Variants in RBM44 observed in about 807,000 individuals in gnomAD.
RBM44 encodes the protein RNA binding motif protein 44.
A neutral mutation model predicts 105.1 loss-of-function variants in RBM44; 66 were observed. The ratio of observed to expected loss-of-function variants is 0.63; its 90% CI spans 0.52 to 0.77. The LOEUF is 0.77. Ranked by LOEUF, RBM44 falls within the 30% of genes least tolerant of loss-of-function variation. The pLI is 0.00. For synonymous variants in RBM44, 365 were observed against 417.6 expected, an observed-to-expected ratio of 0.87 and a Z score of 1.54; for missense variants, 1,122 against 1,207.8, an observed-to-expected ratio of 0.93 and a Z score of 1.05.
intron 13 of RBM44, 136 bp from the exon 14 acceptor site, chr2:237,833,861 C>A: frequency 6.6e-6 from 3 of 455,462 alleles, no homozygotes; most frequent in Non-Finnish European, 7.2e-6. Flanking sequence ...ATAAACAATC[C>A]CAAGTTAAAG....
At chr2:237,805,509 G>C (rs181051804) in intron 1 of RBM44, among the ~76,000 whole-genome samples, 58 of 152,234 alleles carry the variant, frequency 3.8e-4, no homozygotes, top group African/African-American at 1.4e-3. Flanking sequence ...ATGGAACCAA[G>C]AAAGAGCCTG....
chr2:237,814,906 AC>A (rs2061699433), intron 2 of RBM44, among the ~76,000 whole-genome samples: 2 of 145,966 alleles, frequency 1.4e-5, no homozygotes, highest in African/African-American at 5.0e-5. Flanking sequence ...ACCCCCCCCT[AC>A]ACACACAATT....
intron 7 of RBM44, 92 bp downstream of exon 7, chr2:237,821,460 G>A: frequency 2.1e-6 from 2 of 940,552 alleles, no homozygotes; most frequent in South Asian, 1.6e-5. Context: ...TCCCTATTTA[G>A]AACATTGATA....
At position 237,818,307 on chromosome 2, in the gene RBM44, CAATT is replaced by C. The variant is rs764824347; in HGVS notation, c.1392_1395del (p.Asn465ArgfsTer25). On this transcript the variant is annotated frameshift_variant, in exon 3 of 16. Transcript: ENST00000316997. LOFTEE classifies it high-confidence loss of function. This position sits in a 1 kb window ranked among gnomAD's most constrained non-coding sequence, Gnocchi z 4.6. Reference sequence around the variant, plus strand: ...ACAGATGCAGCAAGTTGTACAGTCACAATTAATCAGACAGTGGACGTTAGCACTG... The same window carrying C: ...ACAGATGCAGCAAGTTGTACAGTCACAATCAGACAGTGGACGTTAGCACTG... 9.9e-6 allele frequency: 16 copies of C among 1,613,032 alleles called. No individual in the cohort carries two copies. The highest frequency in any genetic ancestry group is 5.0e-5 in the Admixed American group (3 of 59,872).
Position 237,820,264 on chromosome 2 carries a change from AC to A in RBM44, c.1828del (p.Leu610PhefsTer2), listed in dbSNP as rs772288016. On this transcript the variant is annotated frameshift_variant, in exon 5 of 16. Transcript: ENST00000316997. LOFTEE classifies it high-confidence loss of function. ...IMQRAIKAELHLLNVHYQMCR... is the reference protein window; with the variant it reads ...IMQRAIKAELXLLNVHYQMCR... ...CAGAGAGCCATAAAAGCAGAGCTGC[AC>A]CTTTTAAATGTTCACTATCAGATGT... 6.2e-7 allele frequency: 1 copy of A among 1,600,656 alleles called. No individual in the cohort carries two copies. Among genetic ancestry groups the A allele is most frequent in the East Asian group, 2.2e-5 (1 of 44,522 alleles).
intron 1 of RBM44, among the ~76,000 whole-genome samples, chr2:237,812,244 T>C (rs2061667457): frequency 6.6e-6 from 1 of 152,232 alleles, no homozygotes; most frequent in African/African-American, 2.4e-5. Context: ...ATCACTTCTG[T>C]TTTTGTCTTA....
At chr2:237,800,073 G>A (rs1259717479) in intron 1 of RBM44, among the ~76,000 whole-genome samples, 1 of 152,164 alleles carries the variant, frequency 6.6e-6, no homozygotes, top group Non-Finnish European at 1.5e-5. Flanking sequence ...TCTCCAGAGT[G>A]GCTGCACCAT....
rs2061571631 is a variant in RBM44 at position 237,803,847 on chromosome 2, A to G, written c.-19+4986A>G. Among the ~76,000 whole-genome samples the G allele has an allele frequency of 6.6e-5, 10 of 151,348 alleles. No individual in the cohort carries two copies. The South Asian group carries it at 2.1e-3, about 32-fold the overall frequency. On this transcript the variant is annotated intron_variant, in intron 1 of 15. Coordinates refer to ENST00000316997, the MANE Select transcript of RBM44 (RefSeq NM_001080504.3). The surrounding 1 kb of genome is among the most constrained non-coding windows in gnomAD (Gnocchi z 4.2). ...GTAAAAATCTAGATAGTAGAAATAT[A>G]CTTGTGCCAGTACCATTTATTGAAT...
Position 237,827,428 on chromosome 2 carries a change from T to C in RBM44, c.2530-5T>C. ...TTTCACAAACTTTTATTTCTCTTCT[T>C]TTAGGCCGATTTAAGGTCTCATTTC... On this transcript the variant is annotated splice_region_variant and splice_polypyrimidine_tract_variant and intron_variant, in intron 11 of 15. Transcript: ENST00000316997. 6.6e-7 allele frequency: 1 copy of C among 1,516,994 alleles called. No individual in the cohort carries two copies. Among genetic ancestry groups the C allele is most frequent in the East Asian group, 2.4e-5 (1 of 40,872 alleles). The allele number at this position is 1,516,994 out of a possible 1,614,324, so 94.0% of individuals were successfully genotyped here. A position where few individuals can be genotyped will look rare whatever the true frequency, so the allele number is the denominator to read the frequency against.
rs565460753 is a variant in RBM44, at chr2:237,801,766, G to T, written c.-19+2905G>T. Among the ~76,000 whole-genome samples the T allele has an allele frequency of 3.9e-5, 6 of 152,204 alleles. No individual in the cohort carries two copies. The East Asian group carries it at 1.2e-3, about 29-fold the overall frequency. On this transcript the variant is annotated intron_variant, in intron 1 of 15. Coordinates refer to ENST00000316997, the MANE Select transcript of RBM44 (RefSeq NM_001080504.3). Reference sequence around the variant, plus strand: ...GCCCTTCTCTGCTTCTTCTTAGCCTGGCTAGCCCCTACTTGACCATCATTT... The same window carrying T: ...GCCCTTCTCTGCTTCTTCTTAGCCTTGCTAGCCCCTACTTGACCATCATTT...
At chr2:237,801,059 G>A (rs1298275554) in intron 1 of RBM44, among the ~76,000 whole-genome samples, 1 of 152,102 alleles carries the variant, frequency 6.6e-6, no homozygotes, top group African/African-American at 2.4e-5. Context: ...GAGCGGGCTG[G>A]GTGCAGTGGT....
At chr2:237,837,721 G>A (rs1376230521) in intron 15 of RBM44, among the ~76,000 whole-genome samples, 2 of 143,774 alleles carry the variant, frequency 1.4e-5, no homozygotes, top group Non-Finnish European at 3.2e-5. Context: ...TTTTTCCCAG[G>A]CTGGTCTCAA....
At position 237,841,664 on chromosome 2, in the gene RBM44, A is replaced by G. The variant is rs147526798; in HGVS notation, c.*23-175A>G. Among the ~76,000 whole-genome samples the G allele has an allele frequency of 8.7e-4, 133 of 152,366 alleles. No individual in the cohort carries two copies. The highest frequency in any genetic ancestry group is 2.6e-3 in the African/African-American group (108 of 41,596). On this transcript the variant is annotated intron_variant, in intron 15 of 15. Transcript: ENST00000316997. The surrounding 1 kb of genome is among the most constrained non-coding windows in gnomAD (Gnocchi z 4.5). Reference sequence around the variant, plus strand: ...AGAAATATGAGTTAAAATGATTGCTAGATACAAAGACAAGACACAAAAATT... The same window carrying G: ...AGAAATATGAGTTAAAATGATTGCTGGATACAAAGACAAGACACAAAAATT...
intron 8 of RBM44, among the ~76,000 whole-genome samples, chr2:237,822,523 T>C (rs1016117989): frequency 6.6e-6 from 1 of 152,090 alleles, no homozygotes; most frequent in African/African-American, 2.4e-5. Flanking sequence ...TGAGTAATAT[T>C]AATCCCCCAA....
At position 237,829,295 on chromosome 2, in the gene RBM44, A is replaced by G. The variant is rs775616365; in HGVS notation, c.2679A>G (p.Gly893=). 3 of 1,613,172 alleles carry G rather than the reference A, an allele frequency of 1.9e-6. No homozygotes were observed. The highest frequency in any genetic ancestry group is 2.7e-5 in the African/African-American group (2 of 74,904). ...VKEMNGIEIN[G]KSVNVWPVKI... is the part of the protein sequence containing the mutation. Reference sequence around the variant, plus strand: ...AAATGAATGGGATAGAAATAAATGGAAAGTCAGTAAATGTGTGGCCTGTTA... The same window carrying G: ...AAATGAATGGGATAGAAATAAATGGGAAGTCAGTAAATGTGTGGCCTGTTA... Residue 893 remains glycine (G), a synonymous_variant, in exon 13 of 16, where the codon GGA becomes GGG. Transcript: ENST00000316997.
chr2:237,817,392 A>G lies in RBM44; in HGVS notation c.473A>G (p.Glu158Gly), dbSNP rs563715156. The change falls in exon 3 of 16, where the codon GAA (glutamate) becomes GGA (glycine). Residue 158 changes from glutamate (E) to glycine (G), a missense_variant. Physicochemically the swap from Glu to Gly is moderately conservative, Grantham distance 98. This residue lies in a region of RBM44 where 918 missense variants were observed against 955.3 expected (regional missense o/e 0.96). Coordinates refer to ENST00000316997, the MANE Select transcript of RBM44 (RefSeq NM_001080504.3). ...CATCAAGATAAGACTGTTGGCTTGG[A>G]AAGAATCTACAATATTTCAGATGCT... ...LEHQDKTVGL[E>G]RIYNISDANY... The G allele has an allele frequency of 9.0e-5, 144 of 1,603,030 alleles. 2 individuals carry two copies. The South Asian group carries it at 1.5e-3, about 16-fold the overall frequency.
rs186867567 is a variant in RBM44, at chr2:237,822,325, G to A, written c.2205+498G>A. On this transcript the variant is annotated intron_variant, in intron 8 of 15. Transcript: ENST00000316997. ...GGTTTTCTTACTCTTTCTTGTTCCCGCAAGAAAGTGTTTGTCAGATGACAA... is the reference window on the plus strand; with the variant it reads ...GGTTTTCTTACTCTTTCTTGTTCCCACAAGAAAGTGTTTGTCAGATGACAA... 9.2e-4 allele frequency among the ~76,000 whole-genome samples: 140 copies of A among 151,978 alleles called. 1 individual carries two copies. In the South Asian group the frequency reaches 0.028, roughly 31 times the overall value.
rs763204543 is a variant in RBM44 at position 237,824,651 on chromosome 2, C to T, written c.2449+232C>T. Among the ~76,000 whole-genome samples the T allele has an allele frequency of 1.3e-3, 197 of 152,164 alleles. 1 individual carries two copies. The highest frequency in any genetic ancestry group is 0.01 in the Middle Eastern group (3 of 294). On this transcript the variant is annotated intron_variant, in intron 10 of 15. Coordinates refer to ENST00000316997, the MANE Select transcript of RBM44 (RefSeq NM_001080504.3). The stretch of plus-strand genomic sequence containing the variant: ...AAGATTTAGTTAACAGGTAGATACC[C>T]GCATTCTTCCTCTTGCTCTAGGCCA...
Position 237,817,830 on chromosome 2 carries a change from C to T in RBM44, c.911C>T (p.Pro304Leu), listed in dbSNP as rs1377575437. 1 of 1,612,128 alleles carries T rather than the reference C, an allele frequency of 6.2e-7. No homozygotes were observed. ...GGCAGTGTACTAAGAAGCAATTCTC[C>T]AGGAAACCAGGAATCTCAATCTAAG... ...FDGSVLRSNS[P>L]GNQESQSKSG... The change falls in exon 3 of 16, where the codon CCA becomes CTA. Residue 304 changes from proline to leucine, a missense_variant. By Grantham distance (98) the Pro-to-Leu change is moderately conservative. Around this residue, in one of 3 missense-constraint regions of RBM44, gnomAD observed 918 missense variants for 955.3 expected, o/e 0.96. Coordinates refer to ENST00000316997, the MANE Select transcript of RBM44 (RefSeq NM_001080504.3).
Sources: allele counts gnomAD v4.1 joint callset (sites outside exome capture counted in the v4.1 genomes callset), GRCh38; gene constraint gnomAD v4.1.1; regional missense constraint gnomAD v4.1.1; non-coding constraint Gnocchi (gnomAD v3.1); transcripts MANE v1.5; gene names NCBI Gene and HGNC (gene_info 2026-07-23, HGNC 2026-07-21).